CD81: variants seen among roughly 807,000 people sequenced by gnomAD.
The protein encoded by CD81 is CD81 antigen.
A neutral mutation model predicts 30.1 loss-of-function variants in CD81; 10 were observed. That is an observed-to-expected ratio of 0.33 (90% CI 0.21 to 0.56). The LOEUF is 0.56. Among genes scored for constraint, CD81 ranks in the 20% least tolerant of loss-of-function variants. The pLI, the probability that CD81 is intolerant of heterozygous loss-of-function variation, is 0.89. For synonymous variants in CD81, 147 were observed against 126.4 expected (o/e 1.16, Z -1.10); for missense variants, 263 against 308.7 (o/e 0.85, Z 1.11).
At chr11:2,377,297 G>T (rs1038937894), upstream of CD81, 1 of 151,746 alleles carries the variant, frequency 6.6e-6, no homozygotes, top group Non-Finnish European at 1.5e-5. The surrounding 1 kb of genome is among the most constrained non-coding windows in gnomAD (Gnocchi z 7.7). Context: ...ACTGCGGAGC[G>T]AGGCGCGCGC....
intron 2 of CD81, 79 bp downstream of exon 2, chr11:2,390,605 A>C (rs571573244): frequency 1.4e-5 from 14 of 1,016,438 alleles, no homozygotes; most frequent in African/African-American, 6.3e-5. Flanking sequence ...GGATGGGGAC[A>C]TGGAGGGTGA....
Position 2,397,074 on chromosome 11 carries a change from G to C in CD81, c.*208G>C. The C allele has an allele frequency of 1.6e-6, 1 of 617,544 alleles. No individual in the cohort carries two copies. Among genetic ancestry groups the C allele is most frequent in the South Asian group, 1.9e-5 (1 of 53,968 alleles). The allele number at this position is 617,544 out of a possible 1,614,324, so 38.3% of individuals were successfully genotyped here. On this transcript the variant is annotated 3_prime_UTR_variant, in exon 8 of 8. Transcript: ENST00000263645. The stretch of plus-strand genomic sequence containing the variant: ...TCACATGTAGGTGGCGTGTATGAGT[G>C]GAGACGGGCCTGGGTCTTGGGGACT...
chr11:2,389,932 C>G (rs1849867253), intron 1 of CD81, among the ~76,000 whole-genome samples: 1 of 152,118 alleles, frequency 6.6e-6, no homozygotes, highest in East Asian at 1.9e-4. Flanking sequence ...CTGCCACACC[C>G]TTGCAGGAGG....
intron 3 of CD81, 38 bp downstream of exon 3, chr11:2,394,230 G>T: frequency 7.2e-7 from 1 of 1,394,496 alleles, no homozygotes; most frequent in Non-Finnish European, 1.0e-6. Context: ...GGGCCGGGGA[G>T]GGGCTGGGGG....
Position 2,391,118 on chromosome 11 carries a change from G to C in CD81, c.181+592G>C, listed in dbSNP as rs547856207. 1.5e-5 allele frequency: 3 copies of C among 199,414 alleles called. No homozygotes were observed. The East Asian group carries it at 3.7e-4, about 25-fold the overall frequency. 12.4% of individuals were successfully genotyped at this position (199,414 alleles called of 1,614,324 possible). ...AGGAGGAGGGGAGGGGCAAGGCCAG[G>C]AGGAGGAGGAGGGCCATCTCACTGT... On this transcript the variant is annotated intron_variant, in intron 2 of 7. Coordinates refer to ENST00000263645, the MANE Select transcript of CD81 (RefSeq NM_004356.4).
chr11:2,388,920 G>A (rs1278531459), intron 1 of CD81, among the ~76,000 whole-genome samples: 1 of 152,178 alleles, frequency 6.6e-6, no homozygotes, highest in Non-Finnish European at 1.5e-5. Context: ...TCTTCAGCAC[G>A]CCCTGGCCTG....
intron 1 of CD81, among the ~76,000 whole-genome samples, chr11:2,389,281 A>G (rs957890620): frequency 2.0e-5 from 3 of 152,198 alleles, no homozygotes; most frequent in African/African-American, 7.2e-5. Flanking sequence ...AGCAGGACTC[A>G]GGGTCACTGG....
In CD81 at chr11:2,397,256, T is replaced by G; in HGVS notation, c.*390T>G. On this transcript the variant is annotated 3_prime_UTR_variant, in exon 8 of 8. Transcript: ENST00000263645. Reference sequence around the variant, plus strand: ...CCTGTGGGCTGCACAGCTCACCTTGTTCCCTCCTGCCCCGGTTCGAGAGCC... The same window carrying G: ...CCTGTGGGCTGCACAGCTCACCTTGGTCCCTCCTGCCCCGGTTCGAGAGCC... 7 of 326,106 alleles carry G rather than the reference T, an allele frequency of 2.1e-5. No homozygotes were observed. Among genetic ancestry groups the G allele is most frequent in the Non-Finnish European group, 2.9e-5 (5 of 170,508 alleles). 20.2% of individuals were successfully genotyped at this position (326,106 alleles called of 1,614,324 possible). A position where few individuals can be genotyped will look rare whatever the true frequency, so the allele number is the denominator to read the frequency against.
At chr11:2,387,697 G>C (rs1164027154) in intron 1 of CD81, among the ~76,000 whole-genome samples, 2 of 152,144 alleles carry the variant, frequency 1.3e-5, no homozygotes, top group Non-Finnish European at 2.9e-5. Context: ...TCATGTGAGG[G>C]GCACACGTGG....
chr11:2,387,943 T>A (rs800334), intron 1 of CD81, among the ~76,000 whole-genome samples: 3 of 152,140 alleles, frequency 2.0e-5, no homozygotes, highest in African/African-American at 7.2e-5. Context: ...AGGTTGTTGT[T>A]TCGGGTGTGT....
intron 1 of CD81, chr11:2,386,678 C>T: frequency 1.4e-6 from 1 of 710,486 alleles, no homozygotes; most frequent in Non-Finnish European, 2.6e-6. Context: ...CCTTCTTGCC[C>T]CATTTTTCCA....
At position 2,394,979 on chromosome 11, in the gene CD81, C is replaced by G; in HGVS notation, c.287C>G (p.Thr96Ser). The G allele has an allele frequency of 6.2e-7, 1 of 1,612,792 alleles. No individual in the cohort carries two copies. Among genetic ancestry groups the G allele is most frequent in the Non-Finnish European group, 8.5e-7 (1 of 1,179,968 alleles). ...ESQCLLGTFFTCLVILFACEV... is the reference protein window; with the variant it reads ...ESQCLLGTFFSCLVILFACEV... The stretch of plus-strand genomic sequence containing the variant: ...GCCACTGCCCGGCTCCAGTTCTTCA[C>G]CTGCCTGGTCATCCTGTTTGCCTGT... The change falls in exon 4 of 8, where the codon ACC (threonine) becomes AGC (serine). Residue 96 changes from threonine (T) to serine (S), a missense_variant. Thr to Ser is a moderately conservative substitution (Grantham distance 58, BLOSUM62 1). This residue lies in a region of CD81 where 176 missense variants were observed against 192.9 expected (regional missense o/e 0.91). Transcript: ENST00000263645.
chr11:2,386,694 G>A, intron 1 of CD81: 1 of 703,356 alleles, frequency 1.4e-6, no homozygotes, highest in African/African-American at 1.7e-5. Flanking sequence ...TTCCACCCAG[G>A]GTGGCTCCCG....
Position 2,394,152 on chromosome 11 carries a change from G to A in CD81, c.239G>A (p.Cys80Tyr), listed in dbSNP as rs749842476. 1.2e-6 allele frequency: 2 copies of A among 1,613,286 alleles called. No homozygotes were observed. Among genetic ancestry groups the A allele is most frequent in the East Asian group, 4.5e-5 (2 of 44,862 alleles). The change falls in exon 3 of 8, where the codon TGC (cysteine) becomes TAC (tyrosine). Residue 80 changes from cysteine to tyrosine, a missense_variant. Coordinates refer to ENST00000263645, the MANE Select transcript of CD81 (RefSeq NM_004356.4). ...ATGATGTTCGTTGGCTTCCTGGGCT[G>A]CTACGGGGCCATCCAGGAATCCCAG... ...AVMMFVGFLGCYGAIQESQCL... is the reference protein window; with the variant it reads ...AVMMFVGFLGYYGAIQESQCL...
chr11:2,395,401 G>C lies in CD81; in HGVS notation c.355-15G>C, dbSNP rs753373946. ...GGAGGTTCCCCCTGTGCATGTGACC[G>C]CACCCCTCCCCCAGATCGCCAAGGA... On this transcript the variant is annotated splice_polypyrimidine_tract_variant and intron_variant, in intron 4 of 7. Coordinates refer to ENST00000263645, the MANE Select transcript of CD81 (RefSeq NM_004356.4). 1.3e-6 allele frequency: 2 copies of C among 1,599,430 alleles called. No homozygotes were observed. The highest frequency in any genetic ancestry group is 2.2e-5 in the East Asian group (1 of 44,798).
chr11:2,383,400 C>T (rs1039969353), intron 1 of CD81, among the ~76,000 whole-genome samples: 1 of 152,130 alleles, frequency 6.6e-6, no homozygotes, highest in Non-Finnish European at 1.5e-5. Flanking sequence ...AGGGGTTGGC[C>T]TGCAGGGACC....
intron 1 of CD81, among the ~76,000 whole-genome samples, chr11:2,380,471 T>C (rs1849686144): frequency 6.6e-6 from 1 of 152,174 alleles, no homozygotes; most frequent in Admixed American, 6.5e-5. Context: ...ACACTCTTGC[T>C]GTCTCCCTTC....
chr11:2,386,051 C>T, intron 1 of CD81: 1 of 717,284 alleles, frequency 1.4e-6, no homozygotes, highest in Non-Finnish European at 2.6e-6. Flanking sequence ...CCAGTTGCCT[C>T]CCCCAGCAGC....
intron 5 of CD81, 138 bp from the exon 6 acceptor site, chr11:2,395,728 TGAG>T (rs1435371104): frequency 2.6e-6 from 2 of 769,818 alleles, no homozygotes; most frequent in Non-Finnish European, 4.5e-6. Flanking sequence ...GCAGCGCAGC[TGAG>T]GAGGAAGAAG....
Sources: gnomAD v4.1 joint callset for allele counts (sites outside exome capture counted in the v4.1 genomes callset) on GRCh38, gnomAD v4.1.1 for gene constraint, gnomAD v4.1.1 regional missense constraint, Gnocchi (gnomAD v3.1) non-coding constraint, MANE v1.5 for transcripts, NCBI Gene and HGNC (gene_info 2026-07-23, HGNC 2026-07-21) for gene names.